Variants in FUT9 observed in about 807,000 individuals in gnomAD.
The protein encoded by FUT9 is 4-galactosyl-N-acetylglucosaminide 3-alpha-L-fucosyltransferase 9.
Under a neutral mutation model 29.7 loss-of-function variants are expected in FUT9, and 15 were observed. That is an observed-to-expected ratio of 0.51 (90% CI 0.34 to 0.78). The LOEUF is 0.78. Ranked by LOEUF, FUT9 falls within the 30% of genes least tolerant of loss-of-function variation. The pLI, the probability that FUT9 is intolerant of heterozygous loss-of-function variation, is 0.01. For synonymous variants in FUT9, 169 were observed against 153.7 expected (o/e 1.10, Z -0.74); for missense variants, 319 against 425.4 (o/e 0.75, Z 2.20).
intron 2 of FUT9, among the ~76,000 whole-genome samples, chr6:96,155,353 G>T (rs566884315): frequency 6.6e-6 from 1 of 152,214 alleles, no homozygotes; most frequent in South Asian, 2.1e-4. Context: ...CCAATCTCCA[G>T]TATGTTTTTG....
At chr6:96,161,497 A>G (rs1411429608) in intron 2 of FUT9, among the ~76,000 whole-genome samples, 2 of 152,228 alleles carry the variant, frequency 1.3e-5, no homozygotes, top group Non-Finnish European at 2.9e-5. Flanking sequence ...AGAAACATAG[A>G]TACAGATAAA....
chr6:96,021,452 T>A (rs937464668), intron 1 of FUT9, among the ~76,000 whole-genome samples: 1 of 151,988 alleles, frequency 6.6e-6, no homozygotes, highest in Non-Finnish European at 1.5e-5. Context: ...GCTTACCTTT[T>A]AAGAAACTTA....
At chr6:96,182,232 ATTGTC>A (rs1027683516) in intron 2 of FUT9, among the ~76,000 whole-genome samples, 89 of 152,100 alleles carry the variant, frequency 5.9e-4, no homozygotes, top group African/African-American at 2.1e-3. Flanking sequence ...TCTTTTGAGA[ATTGTC>A]TAGTAATGTC....
chr6:96,093,337 T>G (rs2127954478), intron 1 of FUT9, among the ~76,000 whole-genome samples: 1 of 152,220 alleles, frequency 6.6e-6, no homozygotes, highest in South Asian at 2.1e-4. Flanking sequence ...CCTGTTGAAA[T>G]AGCTTTCTCT....
At chr6:96,081,860 G>A (rs975080275) in intron 1 of FUT9, among the ~76,000 whole-genome samples, 25 of 151,748 alleles carry the variant, frequency 1.6e-4, no homozygotes, top group South Asian at 4.2e-4. Flanking sequence ...ATTTTTGTCC[G>A]TCTGTGGAGT....
At chr6:96,129,338 G>A (rs958870077) in intron 2 of FUT9, among the ~76,000 whole-genome samples, 2 of 151,000 alleles carry the variant, frequency 1.3e-5, no homozygotes, top group Admixed American at 1.3e-4. Context: ...CCAGCTATCC[G>A]GGAGGCAGAG....
chr6:96,186,699 T>C (rs1230955901), intron 2 of FUT9, among the ~76,000 whole-genome samples: 1 of 152,158 alleles, frequency 6.6e-6, no homozygotes, highest in African/African-American at 2.4e-5. Flanking sequence ...TTTGAAGGCC[T>C]GAAACCCAGA....
intron 1 of FUT9, among the ~76,000 whole-genome samples, chr6:96,086,519 C>T (rs969868710): frequency 5.3e-5 from 8 of 152,100 alleles, no homozygotes; most frequent in African/African-American, 1.9e-4. Flanking sequence ...AATACTTCCC[C>T]ATCTTAAAGT....
At chr6:96,190,807 T>C (rs1310236547) in intron 2 of FUT9, among the ~76,000 whole-genome samples, 1 of 152,154 alleles carries the variant, frequency 6.6e-6, no homozygotes, top group Non-Finnish European at 1.5e-5. Context: ...TAGCCATTCA[T>C]TTAATCTTTT....
chr6:96,018,115 G>T (rs1019554161), intron 1 of FUT9, among the ~76,000 whole-genome samples: 3 of 152,126 alleles, frequency 2.0e-5, no homozygotes, highest in Admixed American at 6.5e-5. Flanking sequence ...TGAGTTTATT[G>T]TTGGTTTTCT....
intron 1 of FUT9, among the ~76,000 whole-genome samples, chr6:96,107,188 TA>T (rs1043870371): frequency 1.4e-4 from 21 of 152,164 alleles, no homozygotes; most frequent in African/African-American, 4.6e-4. Flanking sequence ...CCGTATTCCA[TA>T]AAAAATTATT....
intron 1 of FUT9, among the ~76,000 whole-genome samples, chr6:96,062,064 T>C (rs1454234060): frequency 1.3e-5 from 2 of 152,230 alleles, no homozygotes; most frequent in Non-Finnish European, 2.9e-5. Context: ...TAGTATATGA[T>C]ACTATTCAAA....
intron 1 of FUT9, among the ~76,000 whole-genome samples, chr6:96,092,888 G>A (rs1771434613): frequency 6.6e-6 from 1 of 151,890 alleles, no homozygotes; most frequent in South Asian, 2.1e-4. Flanking sequence ...AACCTCCTGA[G>A]TAGTTAGGAC....
intron 2 of FUT9, among the ~76,000 whole-genome samples, chr6:96,184,413 C>A (rs763488110): frequency 6.6e-6 from 1 of 151,716 alleles, no homozygotes; most frequent in Non-Finnish European, 1.5e-5. Flanking sequence ...TTTTATATAT[C>A]TTTTGTTTTT....
Position 96,215,142 on chromosome 6 carries a change from C to T in FUT9, c.*10907C>T, listed in dbSNP as rs1582317187. 1 of 166,980 alleles carries T rather than the reference C, an allele frequency of 6.0e-6. No homozygotes were observed. Among genetic ancestry groups the T allele is most frequent in the Non-Finnish European group, 1.5e-5 (1 of 68,094 alleles). 10.3% of individuals were successfully genotyped at this position (166,980 alleles called of 1,614,324 possible). ...CTGTAAATAACATAACACTTTAAGG[C>T]AGCTAAGCAAATATTTTAATAAGCC... is the stretch of plus-strand genomic sequence containing the variant. On this transcript the variant is annotated 3_prime_UTR_variant, in exon 3 of 3. Coordinates refer to ENST00000302103, the MANE Select transcript of FUT9 (RefSeq NM_006581.4).
rs1773762517 is a variant in FUT9, at chr6:96,203,304, T to C, written c.149T>C (p.Met50Thr). The C allele has an allele frequency of 4.3e-6, 7 of 1,613,804 alleles. No homozygotes were observed. Among genetic ancestry groups the C allele is most frequent in the Admixed American group, 1.7e-5 (1 of 59,924 alleles). Residue 50 changes from methionine to threonine, a missense_variant, in exon 3 of 3, where the codon ATG becomes ACG. Transcript: ENST00000302103. ...GAATCAGCCAGCTCTGTGCTGAAAA[T>C]GAAAAACTTCTTTTCCACCAAAACT... ...PMESASSVLK[M>T]KNFFSTKTDY...
At chr6:96,067,195 AATAT>A (rs5878414) in intron 1 of FUT9, among the ~76,000 whole-genome samples, 3 of 148,314 alleles carry the variant, frequency 2.0e-5, no homozygotes, top group Admixed American at 6.8e-5. Context: ...TTAGGCTATG[AATAT>A]ATATATATAT....
At chr6:96,016,824 C>T (rs183568489) in intron 1 of FUT9, among the ~76,000 whole-genome samples, 66 of 152,290 alleles carry the variant, frequency 4.3e-4, no homozygotes, top group African/African-American at 1.5e-3. Flanking sequence ...GGTTTCTGTA[C>T]AGTTACTTTG....
intron 2 of FUT9, among the ~76,000 whole-genome samples, chr6:96,179,785 G>A (rs1441336213): frequency 6.6e-6 from 1 of 151,940 alleles, no homozygotes; most frequent in Non-Finnish European, 1.5e-5. Flanking sequence ...GAAATTGAAG[G>A]TCAAAGAGGG....
Sources: allele counts gnomAD v4.1 joint callset (sites outside exome capture counted in the v4.1 genomes callset), GRCh38; gene constraint gnomAD v4.1.1; transcripts MANE v1.5; gene names NCBI Gene and HGNC (gene_info 2026-07-23, HGNC 2026-07-21).